DAP3: variants seen among roughly 807,000 people sequenced by gnomAD.
The protein encoded by DAP3 is small ribosomal subunit protein mS29.
DAP3 carries 28 observed loss-of-function variants against 51.9 expected under a neutral mutation model. The ratio of observed to expected loss-of-function variants is 0.54; its 90% CI spans 0.40 to 0.74. The LOEUF is 0.74. Ranked by LOEUF, DAP3 falls within the 30% of genes least tolerant of loss-of-function variation. The pLI is 0.00. For missense variants in DAP3, 458 were observed against 483.5 expected (o/e 0.95, Z 0.49); for synonymous variants, 170 against 170.3 (o/e 1.00, Z 0.01).
intron 6 of DAP3, 49 bp from the exon 7 acceptor site, chr1:155,727,559 G>C: frequency 2.5e-6 from 4 of 1,588,384 alleles, no homozygotes; most frequent in Non-Finnish European, 3.4e-6. Context: ...ATTTCGAGTT[G>C]AATACAGTTT....
chr1:155,705,601 TC>T (rs1655863541), intron 1 of DAP3, among the ~76,000 whole-genome samples: 1 of 134,872 alleles, frequency 7.4e-6, no homozygotes, highest in Non-Finnish European at 1.6e-5. Context: ...AGACCCTGTC[TC>T]AAAAAAAAAA....
At chr1:155,725,577 T>C (rs1658480788) in intron 5 of DAP3, 87 bp downstream of exon 5, 1 of 1,290,964 alleles carries the variant, frequency 7.7e-7, no homozygotes, top group Non-Finnish European at 1.1e-6. Context: ...AAAAGTACTG[T>C]TGAGGCCGGG....
At chr1:155,709,641 TA>T (rs1236126844) in intron 1 of DAP3, 131 bp from the exon 2 acceptor site, 2 of 606,938 alleles carry the variant, frequency 3.3e-6, no homozygotes, top group Admixed American at 7.3e-5. Context: ...AATGAAGCTG[TA>T]GGCATTCTTT....
rs551862645 is a variant in DAP3 at position 155,697,369 on chromosome 1, C to T, written c.-8+8195C>T. On this transcript the variant is annotated intron_variant, in intron 1 of 12. Transcript: ENST00000368336. ...AGACCGGGGGGATTGGTAGAAATCA[C>T]CTCCGGTATCGGGGGAACCAGCCCC... is the stretch of plus-strand genomic sequence containing the variant. 2.6e-5 allele frequency among the ~76,000 whole-genome samples: 4 copies of T among 152,270 alleles called. No individual in the cohort carries two copies. The East Asian group carries it at 5.8e-4, about 22-fold the overall frequency.
intron 2 of DAP3, among the ~76,000 whole-genome samples, chr1:155,716,410 A>G (rs909024942): frequency 6.6e-5 from 10 of 151,760 alleles, no homozygotes; most frequent in Admixed American, 3.9e-4. Context: ...CACCTCTACT[A>G]AAAATACAAA....
rs1305941570 is a variant in DAP3, at chr1:155,729,314, G to T, written c.791G>T (p.Gly264Val). Residue 264 changes from glycine (G) to valine (V), a missense_variant, in exon 9 of 13, where the codon GGA becomes GTA. Transcript: ENST00000368336. The stretch of plus-strand genomic sequence containing the variant: ...TTTCACCTCCTAGTGGCCGTGGATG[G>T]AATCAATGCTCTTTGGGGAAGAACC... ...GMFHLLVAVD[G>V]INALWGRTTL... The T allele has an allele frequency of 1.2e-6, 2 of 1,614,016 alleles. No homozygotes were observed. Among genetic ancestry groups the T allele is most frequent in the Admixed American group, 3.3e-5 (2 of 59,980 alleles).
intron 11 of DAP3, among the ~76,000 whole-genome samples, chr1:155,736,181 G>T (rs1488089830): frequency 2.6e-5 from 4 of 151,852 alleles, no homozygotes; most frequent in Non-Finnish European, 5.9e-5. Context: ...TGTATTTTTA[G>T]TATTTTCACC....
chr1:155,719,590 C>A (rs1657754299), intron 3 of DAP3, among the ~76,000 whole-genome samples: 1 of 151,462 alleles, frequency 6.6e-6, no homozygotes, highest in Non-Finnish European at 1.5e-5. Context: ...GCTCTGTCAC[C>A]CAGGCTGGAG....
At chr1:155,732,819 T>C (rs1659380924) in intron 11 of DAP3, among the ~76,000 whole-genome samples, 1 of 151,850 alleles carries the variant, frequency 6.6e-6, no homozygotes, top group Non-Finnish European at 1.5e-5. Flanking sequence ...GGTCAGGAGA[T>C]CGAGACCATC....
chr1:155,718,685 C>CA (rs550907462), intron 3 of DAP3, among the ~76,000 whole-genome samples: 944 of 79,326 alleles, frequency 0.012, 12 homozygotes, highest in African/African-American at 0.039. Context: ...GACTCTGTCT[C>CA]AAAAAAAAAA....
chr1:155,732,519 C>T (rs558483277), intron 11 of DAP3, among the ~76,000 whole-genome samples: 3 of 152,224 alleles, frequency 2.0e-5, no homozygotes, highest in African/African-American at 7.2e-5. Flanking sequence ...GCGTGAGCCA[C>T]GGCGCCTGGC....
At chr1:155,688,203 T>C (rs1396497700), upstream of DAP3, 3 of 1,613,870 alleles carry the variant, frequency 1.9e-6, no homozygotes, top group Non-Finnish European at 2.5e-6. Context: ...GTAAGCCGAC[T>C]GGCGGAAATG....
intron 2 of DAP3, among the ~76,000 whole-genome samples, chr1:155,715,203 A>C (rs1305869108): frequency 1.7e-5 from 2 of 116,702 alleles, no homozygotes; most frequent in African/African-American, 3.7e-5. Flanking sequence ...ACTCCATCTC[A>C]AAAAAAAAAA....
chr1:155,697,729 A>G (rs967558454), intron 1 of DAP3, among the ~76,000 whole-genome samples: 2 of 152,150 alleles, frequency 1.3e-5, no homozygotes, highest in Non-Finnish European at 2.9e-5. Flanking sequence ...GGACGTTGAT[A>G]TTGATAAACA....
rs1461924120 is a variant in DAP3, at chr1:155,732,224, GTTTCT to G, written c.993+200_993+204del. The G allele has an allele frequency of 5.0e-5, 19 of 383,130 alleles. No individual in the cohort carries two copies. In the East Asian group the frequency reaches 9.1e-4, roughly 18 times the overall value. The allele number at this position is 383,130 out of a possible 1,614,324, so 23.7% of individuals were successfully genotyped here. A position where few individuals can be genotyped will look rare whatever the true frequency, so the allele number is the denominator to read the frequency against. ...TTATCCGTCTCCGTCTTTCTCCAGA[GTTTCT>G]TTTCTTTTTTTTTTTTTTGAGACGG... On this transcript the variant is annotated intron_variant, in intron 11 of 12. Coordinates refer to ENST00000368336, the MANE Select transcript of DAP3 (RefSeq NM_004632.4).
intron 1 of DAP3, among the ~76,000 whole-genome samples, chr1:155,704,325 T>A (rs1280313669): frequency 6.6e-6 from 1 of 152,148 alleles, no homozygotes; most frequent in Non-Finnish European, 1.5e-5. Flanking sequence ...GTCTATAACA[T>A]AGGCAAAATA....
At chr1:155,712,061 T>G (rs1258286011) in intron 2 of DAP3, among the ~76,000 whole-genome samples, 1 of 151,652 alleles carries the variant, frequency 6.6e-6, no homozygotes, top group Non-Finnish European at 1.5e-5. Context: ...GTCCACTGAC[T>G]CAAATGTTAA....
chr1:155,727,532 TA>T, intron 6 of DAP3, 75 bp from the exon 7 acceptor site: 8 of 1,504,124 alleles, frequency 5.3e-6, no homozygotes, highest in Non-Finnish European at 7.1e-6. Context: ...TCCCATAACT[TA>T]AAAGAGGCAT....
At chr1:155,734,078 G>C (rs1659512916) in intron 11 of DAP3, among the ~76,000 whole-genome samples, 1 of 152,078 alleles carries the variant, frequency 6.6e-6, no homozygotes, top group African/African-American at 2.4e-5. Flanking sequence ...GATCGCTTGA[G>C]CCCGGGAGGT....
Sources: gnomAD v4.1 joint callset for allele counts (sites outside exome capture counted in the v4.1 genomes callset) on GRCh38, gnomAD v4.1.1 for gene constraint, MANE v1.5 for transcripts, NCBI Gene and HGNC (gene_info 2026-07-23, HGNC 2026-07-21) for gene names.